The following RBFOX1 variants were observed in gnomAD, a reference collection of about 807,000 sequenced individuals.
The protein encoded by RBFOX1 is RNA binding protein fox-1 homolog 1.
RBFOX1 carries 8 observed loss-of-function variants against 57.7 expected under a neutral mutation model. The ratio of observed to expected loss-of-function variants is 0.14; its 90% CI spans 0.08 to 0.25. RBFOX1 has a LOEUF of 0.25. Ranked by LOEUF, RBFOX1 falls within the 10% of genes least tolerant of loss-of-function variation. The pLI is 1.00. For missense variants in RBFOX1, 611 were observed against 548.5 expected, an observed-to-expected ratio of 1.11 and a Z score of -1.14; for synonymous variants, 326 against 222.4, an observed-to-expected ratio of 1.47 and a Z score of -4.15.
At chr16:6,770,770 G>C (rs2078155419) in intron 3 of RBFOX1, among the ~76,000 whole-genome samples, 1 of 152,154 alleles carries the variant, frequency 6.6e-6, no homozygotes. Flanking sequence ...TGTCTCCCCA[G>C]TTGGGAAGTT....
Position 7,053,473 on chromosome 16 carries a change from G to A in RBFOX1, c.27+1375G>A, listed in dbSNP as rs182779475. On this transcript the variant is annotated intron_variant, in intron 4 of 15. Transcript: ENST00000550418. ...TTTAGATTTCTCTTGCTGTTTGGAT[G>A]GGGACGATGGTCAGAACTAGGTCAG... 3.9e-5 allele frequency among the ~76,000 whole-genome samples: 6 copies of A among 152,272 alleles called. No homozygotes were observed. In the East Asian group the frequency reaches 1.2e-3, roughly 29 times the overall value.
chr16:6,682,272 C>A (rs146433254), intron 3 of RBFOX1, among the ~76,000 whole-genome samples: 1 of 152,160 alleles, frequency 6.6e-6, no homozygotes, highest in Non-Finnish European at 1.5e-5. Flanking sequence ...AGCACACAGC[C>A]CTGCCTCCTC....
intron 3 of RBFOX1, among the ~76,000 whole-genome samples, chr16:6,725,348 G>C (rs1314765752): frequency 6.6e-6 from 1 of 151,872 alleles, no homozygotes; most frequent in Non-Finnish European, 1.5e-5. Context: ...ACCGCGCCCG[G>C]CCGGTTTTGG....
At chr16:5,287,388 A>G (rs898798423) in intron 1 of RBFOX1, among the ~76,000 whole-genome samples, 1 of 152,186 alleles carries the variant, frequency 6.6e-6, no homozygotes, top group African/African-American at 2.4e-5. Flanking sequence ...GTCAGGCCAA[A>G]CTAGCTCTAC....
At chr16:6,318,200 A>T (rs2081339675) in intron 2 of RBFOX1, among the ~76,000 whole-genome samples, 1 of 152,214 alleles carries the variant, frequency 6.6e-6, no homozygotes, top group Non-Finnish European at 1.5e-5. Flanking sequence ...CGTAACCCTG[A>T]TCAGCTAACG....
At chr16:6,945,614 G>A (rs62017720) in intron 3 of RBFOX1, among the ~76,000 whole-genome samples, 15,406 of 152,102 alleles carry the variant, frequency 0.1, 973 homozygotes, top group Middle Eastern at 0.19. Flanking sequence ...GTGCTGGCTA[G>A]GCTCGGTGGC....
At chr16:7,673,781 T>A (rs536401677) in intron 13 of RBFOX1, among the ~76,000 whole-genome samples, 1 of 152,338 alleles carries the variant, frequency 6.6e-6, no homozygotes, top group Non-Finnish European at 1.5e-5. Flanking sequence ...AAGAAATAAA[T>A]GTTTCATGAA....
In RBFOX1 at chr16:6,312,521, G is replaced by A. The variant is rs984709058; in HGVS notation, c.-126-4474G>A. Among the ~76,000 whole-genome samples the A allele has an allele frequency of 2.6e-5, 4 of 152,284 alleles. No individual in the cohort carries two copies. The East Asian group carries it at 7.7e-4, about 29-fold the overall frequency. On this transcript the variant is annotated intron_variant, in intron 1 of 15. Transcript: ENST00000550418. Reference sequence around the variant, plus strand: ...TGTTCTGAACATAGCACTTACTAATGGAGCCAGGATCAGGCGCTGCAGACC... The same window carrying A: ...TGTTCTGAACATAGCACTTACTAATAGAGCCAGGATCAGGCGCTGCAGACC...
intron 4 of RBFOX1, chr16:5,867,443 C>G (rs1372992799): frequency 1.2e-6 from 1 of 808,560 alleles, no homozygotes; most frequent in Non-Finnish European, 1.7e-6. Flanking sequence ...GTTTCATTTC[C>G]TGGTGGCTTG....
chr16:5,395,378 C>G (rs989864588), intron 1 of RBFOX1, among the ~76,000 whole-genome samples: 3 of 152,134 alleles, frequency 2.0e-5, no homozygotes, highest in African/African-American at 4.8e-5. Context: ...GTGAGGGAGA[C>G]CATGACTCCT....
intron 3 of RBFOX1, among the ~76,000 whole-genome samples, chr16:6,684,547 T>C (rs1055927255): frequency 3.3e-5 from 5 of 152,186 alleles, no homozygotes; most frequent in African/African-American, 1.2e-4. Context: ...CATGGAGCTA[T>C]CAATTACTTC....
intron 3 of RBFOX1, among the ~76,000 whole-genome samples, chr16:6,876,636 T>G (rs1762518243): frequency 6.6e-6 from 1 of 152,198 alleles, no homozygotes; most frequent in African/African-American, 2.4e-5. Context: ...CTATTTTTTT[T>G]TTCTAAGAGT....
intron 4 of RBFOX1, among the ~76,000 whole-genome samples, chr16:7,467,851 CT>C (rs1285323006): frequency 2.6e-5 from 4 of 152,180 alleles, no homozygotes; most frequent in African/African-American, 9.6e-5. Flanking sequence ...AGAGCTCAAT[CT>C]ATAGCCAAAG....
intron 3 of RBFOX1, among the ~76,000 whole-genome samples, chr16:5,817,652 C>A (rs1233344040): frequency 2.0e-5 from 3 of 150,296 alleles, no homozygotes; most frequent in Admixed American, 6.6e-5. Context: ...GAAGATGGGG[C>A]TGGAGATGCC....
intron 2 of RBFOX1, among the ~76,000 whole-genome samples, chr16:6,377,001 G>C (rs2091259197): frequency 6.6e-6 from 1 of 151,946 alleles, no homozygotes; most frequent in Non-Finnish European, 1.5e-5. Context: ...ACTGGGCTCG[G>C]TGGCTCATGC....
At chr16:7,290,584 G>T (rs1050677299) in intron 4 of RBFOX1, among the ~76,000 whole-genome samples, 5 of 152,204 alleles carry the variant, frequency 3.3e-5, no homozygotes, top group Non-Finnish European at 7.3e-5. Flanking sequence ...GAAAATGGAA[G>T]AGGACTAATA....
intron 2 of RBFOX1, among the ~76,000 whole-genome samples, chr16:6,584,688 C>T (rs1039555005): frequency 3.3e-5 from 5 of 151,954 alleles, no homozygotes; most frequent in African/African-American, 7.3e-5. Flanking sequence ...TTTTAAAATA[C>T]AGCACCCCTG....
intron 1 of RBFOX1, among the ~76,000 whole-genome samples, chr16:6,098,463 A>C (rs888479507): frequency 2.0e-5 from 3 of 152,182 alleles, no homozygotes; most frequent in African/African-American, 7.2e-5. Context: ...CAGCCTCGGG[A>C]GGCCCAGGTT....
intron 3 of RBFOX1, among the ~76,000 whole-genome samples, chr16:6,834,988 G>C (rs1366026373): frequency 6.6e-6 from 1 of 150,980 alleles, no homozygotes; most frequent in African/African-American, 2.4e-5. Context: ...CATCTCCCAG[G>C]TTCACGCCAT....
Sources: allele counts gnomAD v4.1 joint callset (sites outside exome capture counted in the v4.1 genomes callset), GRCh38; gene constraint gnomAD v4.1.1; transcripts MANE v1.5; gene names NCBI Gene and HGNC (gene_info 2026-07-23, HGNC 2026-07-21).